Variants in CFAP92 observed in about 807,000 individuals in gnomAD.
The protein encoded by CFAP92 is uncharacterized protein CFAP92.
CFAP92 carries 86 observed loss-of-function variants against 106.3 expected under a neutral mutation model. That is an observed-to-expected ratio of 0.81 (90% CI 0.68 to 0.97). The LOEUF (loss-of-function observed/expected upper bound fraction) is 0.97, where lower values mean the gene tolerates loss of function less well. Ranked by LOEUF, CFAP92 falls within the 50% of genes least tolerant of loss-of-function variation. The probability of loss-of-function intolerance (pLI) is 0.00; values close to 1 mark genes in which losing one functional copy is unlikely to be tolerated. For missense variants in CFAP92, 1,204 were observed against 1,283.8 expected (o/e 0.94, Z 0.95); for synonymous variants, 477 against 506.4 (o/e 0.94, Z 0.78).
chr3:129,001,937 G>C, intron 1 of CFAP92: 2 of 1,541,528 alleles, frequency 1.3e-6, no homozygotes, highest in Non-Finnish European at 1.8e-6. Context: ...CAGGTGACGG[G>C]AACTCCAGAG....
At chr3:129,015,674 G>A in the CFAP92 span, among the ~76,000 whole-genome samples, 1 of 152,110 alleles carries the variant, frequency 6.6e-6, no homozygotes, top group Non-Finnish European at 1.5e-5. Context: ...AGTTGGGGGG[G>A]TTCCCGAATT....
At chr3:129,020,059 G>A in the CFAP92 span, among the ~76,000 whole-genome samples, 2 of 152,090 alleles carry the variant, frequency 1.3e-5, no homozygotes, top group African/African-American at 4.8e-5. Context: ...ATGAGCCATC[G>A]CAACCAGCCT....
intron 12 of CFAP92, among the ~76,000 whole-genome samples, chr3:128,921,288 G>C (rs1937260827): frequency 6.6e-6 from 1 of 152,206 alleles, no homozygotes; most frequent in Non-Finnish European, 1.5e-5. Flanking sequence ...ACCCGAGGAC[G>C]ACTGAAAGAA....
At chr3:128,978,208 A>C (rs1274770932) in intron 4 of CFAP92, 23 bp from the exon 5 acceptor site, 2 of 1,604,872 alleles carry the variant, frequency 1.2e-6, no homozygotes, top group Non-Finnish European at 1.7e-6. Flanking sequence ...AGAAGAAAGG[A>C]TCATTGACTC....
At chr3:128,978,421 C>T (rs1576605387) in intron 4 of CFAP92, 1 of 358,134 alleles carries the variant, frequency 2.8e-6, no homozygotes, top group Admixed American at 4.6e-5. Context: ...ATGTACATAC[C>T]TAAGTTTAAA....
chr3:128,980,158 G>T (rs1317227249), intron 4 of CFAP92, among the ~76,000 whole-genome samples: 1 of 151,596 alleles, frequency 6.6e-6, no homozygotes, highest in Non-Finnish European at 1.5e-5. Flanking sequence ...ATCGCTTGAG[G>T]CCAGGAGTTC....
At chr3:129,016,104 G>A in the CFAP92 span, among the ~76,000 whole-genome samples, 5 of 152,272 alleles carry the variant, frequency 3.3e-5, no homozygotes, top group South Asian at 4.2e-4. Context: ...GAGCCCAGGC[G>A]GTGTAATGGG....
upstream of CFAP92, chr3:128,994,280 T>G (rs1944397481): frequency 8.5e-6 from 3 of 351,732 alleles, no homozygotes; most frequent in Non-Finnish European, 1.2e-5. Context: ...ACTCATGCAT[T>G]CACTCATTAA....
At chr3:129,016,874 G>A in the CFAP92 span, among the ~76,000 whole-genome samples, 1 of 152,208 alleles carries the variant, frequency 6.6e-6, no homozygotes, top group African/African-American at 2.4e-5. Flanking sequence ...CAGTGATGAT[G>A]CTTTATGCTG....
At chr3:129,003,815 G>A (rs1386868572), upstream of CFAP92, 2 of 1,465,836 alleles carry the variant, frequency 1.4e-6, no homozygotes, top group Non-Finnish European at 1.8e-6. Flanking sequence ...GAAGAGCCAG[G>A]CGAGCACCCA....
At chr3:128,920,219 C>G (rs893975458) in intron 12 of CFAP92, among the ~76,000 whole-genome samples, 1 of 152,310 alleles carries the variant, frequency 6.6e-6, no homozygotes, top group Admixed American at 6.5e-5. Flanking sequence ...GCCTAACCAA[C>G]ATGGTGAAAC....
At position 128,911,691 on chromosome 3, in the gene CFAP92, C is replaced by T. The variant is rs540945298; in HGVS notation, c.3281-1358G>A. Among the ~76,000 whole-genome samples, 53 of 152,350 alleles carry T rather than the reference C, an allele frequency of 3.5e-4. No individual in the cohort carries two copies. In the South Asian group the frequency reaches 0.011, roughly 32 times the overall value. ...CCCTGACCTCAGGTGATCCGCCCAC[C>T]TTGGCCTCCCAAAGTGCTGGGATTA... On this transcript the variant is annotated intron_variant, in intron 15 of 15. Transcript: ENST00000645291.
Position 128,932,987 on chromosome 3 carries a change from T to C in CFAP92, c.2464A>G (p.Ile822Val), listed in dbSNP as rs1242327404. ...CAGAGGGTGGTGCTGTTATAGCAGA[T>C]GTCGTGGATCCTGGAACAAAGAACC... ...VFQALARIHD[I>V]CYNSTTLWDV... The change falls in exon 12 of 16, where the codon ATC becomes GTC. Residue 822 changes from isoleucine (I) to valine (V), a missense_variant. Ile to Val is a conservative substitution (Grantham distance 29, BLOSUM62 3). Coordinates refer to ENST00000645291, the MANE Select transcript of CFAP92 (RefSeq NM_001394090.1). 6.5e-7 allele frequency: 1 copy of C among 1,536,128 alleles called. No homozygotes were observed. Among genetic ancestry groups the C allele is most frequent in the Non-Finnish European group, 8.7e-7 (1 of 1,146,912 alleles).
chr3:129,014,044 G>A, the CFAP92 span, among the ~76,000 whole-genome samples: 1 of 152,228 alleles, frequency 6.6e-6, no homozygotes, highest in African/African-American at 2.4e-5. The surrounding 1 kb of genome is among the most constrained non-coding windows in gnomAD (Gnocchi z 4.3). Context: ...ACCCAGGAAG[G>A]GGCAGACAGA....
intron 12 of CFAP92, among the ~76,000 whole-genome samples, chr3:128,916,975 T>C (rs1936865798): frequency 6.6e-6 from 1 of 152,216 alleles, no homozygotes; most frequent in African/African-American, 2.4e-5. Flanking sequence ...CACAAGATGG[T>C]GACCTTAGCT....
chr3:128,941,258 C>T (rs574243625), intron 10 of CFAP92, among the ~76,000 whole-genome samples: 14 of 152,000 alleles, frequency 9.2e-5, no homozygotes, highest in South Asian at 2.1e-4. Context: ...TTTTTATATT[C>T]GATACCACAT....
chr3:129,000,560 A>G (rs1363812457), intron 1 of CFAP92, among the ~76,000 whole-genome samples: 1 of 152,238 alleles, frequency 6.6e-6, no homozygotes, highest in African/African-American at 2.4e-5. Context: ...GGTGCAGGTA[A>G]CAGGTGGACA....
At chr3:128,918,576 A>G (rs1381855996) in intron 12 of CFAP92, among the ~76,000 whole-genome samples, 1 of 152,240 alleles carries the variant, frequency 6.6e-6, no homozygotes, top group East Asian at 1.9e-4. Context: ...ATAGCCTAGT[A>G]AAGTTGTCTT....
intron 12 of CFAP92, among the ~76,000 whole-genome samples, chr3:128,922,067 C>T (rs562286294): frequency 1.6e-4 from 25 of 152,208 alleles, no homozygotes; most frequent in Non-Finnish European, 2.2e-4. Flanking sequence ...TTGCTGGGCG[C>T]GGTGGCTCAT....
Sources: allele counts gnomAD v4.1 joint callset (sites outside exome capture counted in the v4.1 genomes callset), GRCh38; gene constraint gnomAD v4.1.1; non-coding constraint Gnocchi (gnomAD v3.1); transcripts MANE v1.5; gene names NCBI Gene and HGNC (gene_info 2026-07-23, HGNC 2026-07-21).